Variants in GOLM1 observed in about 807,000 individuals in gnomAD.
GOLM1 encodes the protein golgi membrane protein 1.
GOLM1 carries 31 observed loss-of-function variants against 50.5 expected under a neutral mutation model. The observed-to-expected ratio is 0.61, with a 90% CI of 0.46 to 0.83. The LOEUF is 0.83. GOLM1 is among the 40% of genes least tolerant of loss of function. The probability of loss-of-function intolerance (pLI) is 0.00; values close to 1 mark genes in which losing one functional copy is unlikely to be tolerated. For synonymous variants in GOLM1, 178 were observed against 192.8 expected (o/e 0.92, Z 0.64); for missense variants, 491 against 501.3 (o/e 0.98, Z 0.20).
intron 3 of GOLM1, among the ~76,000 whole-genome samples, chr9:86,056,538 G>A (rs529631266): frequency 1.0e-4 from 14 of 136,614 alleles, no homozygotes; most frequent in Admixed American, 4.0e-4. Context: ...ACGAAGTCTC[G>A]CCTGTCGCCC....
intron 9 of GOLM1, among the ~76,000 whole-genome samples, chr9:86,032,869 T>C (rs56761094): frequency 0.041 from 6,263 of 152,204 alleles, 501 homozygotes; most frequent in East Asian, 0.37. Flanking sequence ...GCCTGGACTC[T>C]TCAAAAATTC....
chr9:86,060,480 C>T lies in GOLM1; in HGVS notation c.310-7889G>A, dbSNP rs146909900. Among the ~76,000 whole-genome samples the T allele has an allele frequency of 7.9e-5, 12 of 152,204 alleles. No individual in the cohort carries two copies. In the South Asian group the frequency reaches 2.1e-3, roughly 26 times the overall value. Reference sequence around the variant, plus strand: ...GCCACCACTGAGCCAAATGGTGGGTCGCTGGATGCATGTTCCCATAGGGAC... The same window carrying T: ...GCCACCACTGAGCCAAATGGTGGGTTGCTGGATGCATGTTCCCATAGGGAC... On this transcript the variant is annotated intron_variant, in intron 3 of 9. Transcript: ENST00000388712.
At chr9:86,068,034 TA>T (rs1053992571) in intron 3 of GOLM1, among the ~76,000 whole-genome samples, 1 of 149,862 alleles carries the variant, frequency 6.7e-6, no homozygotes, top group Non-Finnish European at 1.5e-5. Flanking sequence ...TAAATAAATT[TA>T]AAAAAAAAGA....
chr9:86,063,623 T>TA (rs1399641143), intron 3 of GOLM1, among the ~76,000 whole-genome samples: 2 of 152,216 alleles, frequency 1.3e-5, no homozygotes, highest in Non-Finnish European at 2.9e-5. Context: ...CTATTTTCTT[T>TA]ACGTATTTCC....
intron 6 of GOLM1, 31 bp downstream of exon 6, chr9:86,040,708 T>C (rs1286000818): frequency 1.2e-6 from 2 of 1,600,812 alleles, no homozygotes; most frequent in Admixed American, 3.5e-5. Flanking sequence ...GGGTACCTTC[T>C]AGAAACTCTT....
intron 3 of GOLM1, among the ~76,000 whole-genome samples, chr9:86,060,337 A>C (rs1178375805): frequency 6.6e-6 from 1 of 152,096 alleles, no homozygotes; most frequent in Non-Finnish European, 1.5e-5. Flanking sequence ...AAGGAGAGAG[A>C]GGCAGAGACT....
chr9:86,074,176 A>C (rs916103167), intron 3 of GOLM1, among the ~76,000 whole-genome samples: 1 of 151,264 alleles, frequency 6.6e-6, no homozygotes, highest in East Asian at 1.9e-4. Flanking sequence ...ATGGTTCTTT[A>C]AAATTTTTTT....
intron 4 of GOLM1, among the ~76,000 whole-genome samples, chr9:86,049,881 T>C (rs1339916574): frequency 2.0e-5 from 3 of 152,224 alleles, no homozygotes; most frequent in Non-Finnish European, 4.4e-5. Context: ...CTGACTGCCC[T>C]GGCCAGAACT....
intron 1 of GOLM1, chr9:86,084,785 CATGCCTGTA>C (rs1325063672): frequency 6.6e-6 from 1 of 152,212 alleles, no homozygotes; most frequent in Non-Finnish European, 1.5e-5. Context: ...CACGGAGGCT[CATGCCTGTA>C]ATTCCAGCAC....
At chr9:86,094,066 C>G (rs1835274167) in intron 1 of GOLM1, among the ~76,000 whole-genome samples, 1 of 152,178 alleles carries the variant, frequency 6.6e-6, no homozygotes, top group Non-Finnish European at 1.5e-5. Flanking sequence ...AATCAGTCAC[C>G]AAGTTTTCTG....
At chr9:86,096,233 T>C (rs2118915659) in intron 1 of GOLM1, among the ~76,000 whole-genome samples, 1 of 151,920 alleles carries the variant, frequency 6.6e-6, no homozygotes, top group Non-Finnish European at 1.5e-5. Flanking sequence ...ACATGAAAAT[T>C]ACATGAAACT....
chr9:86,099,201 G>A (rs951958334), intron 1 of GOLM1, among the ~76,000 whole-genome samples: 4 of 151,616 alleles, frequency 2.6e-5, no homozygotes, highest in South Asian at 2.1e-4. Context: ...CGAGCCGAGG[G>A]GCCCAGGCAG....
intron 9 of GOLM1, among the ~76,000 whole-genome samples, chr9:86,029,846 G>A (rs1049937656): frequency 1.3e-5 from 2 of 152,206 alleles, no homozygotes; most frequent in African/African-American, 4.8e-5. Context: ...GGACACCTGA[G>A]TGTAGGGAAT....
intron 3 of GOLM1, among the ~76,000 whole-genome samples, chr9:86,069,004 C>A (rs1461571374): frequency 1.3e-5 from 2 of 151,948 alleles, no homozygotes; most frequent in African/African-American, 4.8e-5. Context: ...ATGCAAAAGC[C>A]AGAAATGGCT....
chr9:86,098,577 C>T (rs1835423334), intron 1 of GOLM1, among the ~76,000 whole-genome samples: 1 of 152,212 alleles, frequency 6.6e-6, no homozygotes, highest in African/African-American at 2.4e-5. Flanking sequence ...TTTTGCAAAT[C>T]TGGCTATGGG....
intron 3 of GOLM1, among the ~76,000 whole-genome samples, chr9:86,075,112 G>T (rs564739404): frequency 1.3e-5 from 2 of 152,122 alleles, no homozygotes; most frequent in African/African-American, 4.8e-5. Flanking sequence ...CAAGGACACC[G>T]CAAGAAGAAG....
intron 9 of GOLM1, 94 bp downstream of exon 9, chr9:86,033,188 A>G (rs1833034622): frequency 1.4e-6 from 1 of 725,320 alleles, no homozygotes; most frequent in African/African-American, 1.8e-5. Flanking sequence ...ATTAATTACA[A>G]TATAATTTTG....
chr9:86,072,495 C>T (rs1055657904), intron 3 of GOLM1, among the ~76,000 whole-genome samples: 70 of 152,224 alleles, frequency 4.6e-4, no homozygotes, highest in African/African-American at 1.5e-3. Flanking sequence ...TCGAGATCCA[C>T]GTATACACAA....
At chr9:86,040,342 G>A (rs73476973) in intron 6 of GOLM1, among the ~76,000 whole-genome samples, 4 of 152,162 alleles carry the variant, frequency 2.6e-5, no homozygotes, top group African/African-American at 9.7e-5. Flanking sequence ...CTGCACAGGA[G>A]GTGGAATGAC....
Sources: allele counts gnomAD v4.1 joint callset (sites outside exome capture counted in the v4.1 genomes callset), GRCh38; gene constraint gnomAD v4.1.1; transcripts MANE v1.5; gene names NCBI Gene and HGNC (gene_info 2026-07-23, HGNC 2026-07-21).